CLSTN2: variants seen among roughly 807,000 people sequenced by gnomAD.
CLSTN2 encodes calsyntenin 2, also known as calsyntenin-2.
A neutral mutation model predicts 101.2 loss-of-function variants in CLSTN2; 48 were observed. That is an observed-to-expected ratio of 0.47 (90% CI 0.38 to 0.60). The LOEUF is 0.60. Ranked by LOEUF, CLSTN2 falls within the 20% of genes least tolerant of loss-of-function variation. CLSTN2 has a pLI of 0.00. For synonymous variants in CLSTN2, 481 were observed against 463.6 expected (o/e 1.04, Z -0.48); for missense variants, 1,160 against 1,238.2 (o/e 0.94, Z 0.95).
intron 1 of CLSTN2, among the ~76,000 whole-genome samples, chr3:140,131,116 T>C (rs565562738): frequency 6.6e-6 from 1 of 152,150 alleles, no homozygotes; most frequent in East Asian, 1.9e-4. Flanking sequence ...AACCACTTTG[T>C]CCCTCAAAAC....
intron 8 of CLSTN2, among the ~76,000 whole-genome samples, chr3:140,527,959 A>G (rs561682366): frequency 1.3e-5 from 2 of 152,204 alleles, no homozygotes; most frequent in South Asian, 2.1e-4. Flanking sequence ...AAAACCACCT[A>G]TTGAGTATTA....
intron 1 of CLSTN2, among the ~76,000 whole-genome samples, chr3:140,009,649 A>C (rs2007031920): frequency 6.6e-6 from 1 of 152,190 alleles, no homozygotes; most frequent in Non-Finnish European, 1.5e-5. Context: ...TTGTAAGTTT[A>C]TATTGGCATG....
chr3:140,556,858 AC>A, intron 11 of CLSTN2, 197 bp downstream of exon 11: 2 of 570,654 alleles, frequency 3.5e-6, no homozygotes, highest in East Asian at 2.9e-5. Flanking sequence ...CTGTTGTTTT[AC>A]CACCTTGAAT....
intron 1 of CLSTN2, among the ~76,000 whole-genome samples, chr3:140,151,474 C>T (rs538153325): frequency 1.3e-5 from 2 of 152,082 alleles, no homozygotes; most frequent in East Asian, 2.0e-4. Context: ...AAATGAACAG[C>T]CTGTGAACCA....
intron 1 of CLSTN2, among the ~76,000 whole-genome samples, chr3:140,015,091 TA>T (rs2007174454): frequency 6.6e-6 from 1 of 152,148 alleles, no homozygotes; most frequent in South Asian, 2.1e-4. Context: ...GTGAGTCCCA[TA>T]GGGGTGGTTT....
chr3:140,169,086 T>C (rs113301253), intron 1 of CLSTN2, among the ~76,000 whole-genome samples: 2,199 of 152,194 alleles, frequency 0.014, 55 homozygotes, highest in African/African-American at 0.048. Flanking sequence ...TTGGGGAAAA[T>C]TAACGTCTTA....
intron 1 of CLSTN2, among the ~76,000 whole-genome samples, chr3:140,027,369 A>G (rs1182756443): frequency 6.6e-6 from 1 of 152,160 alleles, no homozygotes; most frequent in Non-Finnish European, 1.5e-5. Flanking sequence ...ACAGAGACAC[A>G]AGGGAGAGGA....
intron 4 of CLSTN2, among the ~76,000 whole-genome samples, chr3:140,416,083 T>C (rs930860419): frequency 3.3e-4 from 50 of 152,184 alleles, no homozygotes; most frequent in African/African-American, 9.7e-4. Context: ...AAGGACGTTA[T>C]GCTAAGTGAA....
chr3:140,003,663 T>G (rs2006893884), intron 1 of CLSTN2, among the ~76,000 whole-genome samples: 1 of 152,202 alleles, frequency 6.6e-6, no homozygotes. Flanking sequence ...TAGCTGTGGG[T>G]CTGTCATATA....
intron 1 of CLSTN2, among the ~76,000 whole-genome samples, chr3:139,996,373 A>G (rs1220211854): frequency 6.6e-6 from 1 of 152,188 alleles, no homozygotes; most frequent in Non-Finnish European, 1.5e-5. Flanking sequence ...ATGCCAAATT[A>G]TCTTTCAAAG....
chr3:140,070,079 C>CAGTT (rs992132976), intron 1 of CLSTN2, among the ~76,000 whole-genome samples: 5 of 152,188 alleles, frequency 3.3e-5, no homozygotes, highest in African/African-American at 1.2e-4. Context: ...CTGAGCAGGT[C>CAGTT]AGTGGCTCTC....
intron 2 of CLSTN2, among the ~76,000 whole-genome samples, chr3:140,244,876 A>T (rs1209266123): frequency 1.3e-5 from 2 of 152,230 alleles, no homozygotes; most frequent in African/African-American, 4.8e-5. Flanking sequence ...ATATATTTTT[A>T]AAGTTCTATA....
intron 2 of CLSTN2, among the ~76,000 whole-genome samples, chr3:140,265,595 G>A (rs1220644110): frequency 6.6e-6 from 1 of 152,164 alleles, no homozygotes; most frequent in East Asian, 1.9e-4. Context: ...CAGTTTCAAT[G>A]TACTTTCCAT....
intron 2 of CLSTN2, among the ~76,000 whole-genome samples, chr3:140,356,181 T>C (rs1397652239): frequency 6.6e-6 from 1 of 152,180 alleles, no homozygotes; most frequent in African/African-American, 2.4e-5. Flanking sequence ...TGCAGAGCCT[T>C]GGACCTACAG....
chr3:140,419,732 T>C (rs1576557378), intron 4 of CLSTN2, among the ~76,000 whole-genome samples: 1 of 65,618 alleles, frequency 1.5e-5, no homozygotes, highest in South Asian at 3.7e-4. Context: ...CGTATATACA[T>C]GTATATACGT....
At chr3:140,215,080 G>A (rs745454247) in intron 2 of CLSTN2, among the ~76,000 whole-genome samples, 1 of 152,182 alleles carries the variant, frequency 6.6e-6, no homozygotes, top group Non-Finnish European at 1.5e-5. Context: ...AATAGGAGGT[G>A]GGAAGATTCT....
intron 2 of CLSTN2, among the ~76,000 whole-genome samples, chr3:140,245,249 A>C (rs377528197): frequency 6.6e-5 from 10 of 152,200 alleles, no homozygotes; most frequent in South Asian, 4.1e-4. Flanking sequence ...TAGGTCTGTG[A>C]AAAAGACAAA....
intron 8 of CLSTN2, among the ~76,000 whole-genome samples, chr3:140,486,403 T>C (rs1054135275): frequency 1.3e-5 from 2 of 152,204 alleles, no homozygotes; most frequent in Non-Finnish European, 2.9e-5. Flanking sequence ...GCATATAATG[T>C]ATTTAAGGGC....
At chr3:140,158,855 A>C (rs888622403) in intron 1 of CLSTN2, among the ~76,000 whole-genome samples, 31 of 152,336 alleles carry the variant, frequency 2.0e-4, no homozygotes, top group African/African-American at 7.2e-4. Flanking sequence ...AACAGAATCA[A>C]GAACCTGGAT....
Sources: allele counts gnomAD v4.1 joint callset (sites outside exome capture counted in the v4.1 genomes callset), GRCh38; gene constraint gnomAD v4.1.1; transcripts MANE v1.5; gene names NCBI Gene and HGNC (gene_info 2026-07-23, HGNC 2026-07-21).